ABCC9: variants seen among roughly 807,000 people sequenced by gnomAD.
ABCC9 encodes ATP-binding cassette sub-family C member 9.
In ABCC9, 95 loss-of-function variants were observed where a neutral mutation model predicts 188.3. The observed-to-expected ratio is 0.50, with a 90% CI of 0.43 to 0.60. The LOEUF is 0.60. Ranked by LOEUF, ABCC9 falls within the 20% of genes least tolerant of loss-of-function variation. The pLI is 0.00. For missense variants in ABCC9, 1,102 were observed against 1,876.3 expected (o/e 0.59, Z 7.62); for synonymous variants, 659 against 652.7 (o/e 1.01, Z -0.15).
At chr12:21,862,883 G>T (rs1294551629) in intron 20 of ABCC9, 70 bp downstream of exon 20, 3 of 1,021,856 alleles carry the variant, frequency 2.9e-6, no homozygotes, top group Non-Finnish European at 4.6e-6. Context: ...AGAAACCATT[G>T]TTCATTCCCA....
chr12:21,816,036 GTTTTTTTTTTTTTTTTTTTTTTTTTTTT>G (rs10611051), intron 33 of ABCC9, 143 bp from the exon 34 acceptor site: 647 of 58,296 alleles, frequency 0.011, 19 homozygotes, highest in African/African-American at 0.032. Flanking sequence ...CTATGTGGCA[GTTTTTTTTTTTTTTTTTTTTTTTTTTTT>G]TTTTTTTTTT....
chr12:21,798,129 A>T lies in ABCC9; in HGVS notation c.*2915T>A, dbSNP rs1941242011. The stretch of plus-strand genomic sequence containing the variant: ...AGTAACTAAAAGTTATGAGGGGACC[A>T]GCAACCACTTGGCTGTAAGAATGGT... On this transcript the variant is annotated 3_prime_UTR_variant, in exon 40 of 40. Coordinates refer to ENST00000261200, the MANE Select transcript of ABCC9 (RefSeq NM_020297.4). The T allele has an allele frequency of 2.0e-5, 3 of 152,242 alleles. No homozygotes were observed. The South Asian group carries it at 6.2e-4, about 31-fold the overall frequency. 9.4% of individuals were successfully genotyped at this position (152,242 alleles called of 1,614,324 possible).
intron 31 of ABCC9, among the ~76,000 whole-genome samples, chr12:21,822,826 CG>C (rs1943136208): frequency 6.6e-6 from 1 of 151,552 alleles, no homozygotes; most frequent in Non-Finnish European, 1.5e-5. Flanking sequence ...GTTAGGTCTC[CG>C]ATGTTCACTT....
intron 13 of ABCC9, among the ~76,000 whole-genome samples, chr12:21,894,695 G>A (rs555295425): frequency 1.3e-4 from 20 of 151,824 alleles, no homozygotes; most frequent in Admixed American, 5.9e-4. Flanking sequence ...CTGCAGCCTC[G>A]ACCTCCCCAG....
chr12:21,912,020 G>C (rs1948348845), intron 8 of ABCC9, among the ~76,000 whole-genome samples: 1 of 152,006 alleles, frequency 6.6e-6, no homozygotes, highest in Admixed American at 6.6e-5. Context: ...ACAGGCTTCA[G>C]TAAGTGCCAA....
At chr12:21,816,042 T>TTTTTTTG (rs1942609666) in intron 33 of ABCC9, 149 bp from the exon 34 acceptor site, 1 of 31,164 alleles carries the variant, frequency 3.2e-5, no homozygotes, top group Non-Finnish European at 6.2e-5. Context: ...GGCAGTTTTT[T>TTTTTTTG]TTTTTTTTTT....
rs1944195401 is a variant in ABCC9 at position 21,838,090 on chromosome 12, A to G, written c.3554T>C (p.Ile1185Thr). 2.5e-6 allele frequency: 4 copies of G among 1,613,544 alleles called. No individual in the cohort carries two copies. Among genetic ancestry groups the G allele is most frequent in the African/African-American group, 1.3e-5 (1 of 74,912 alleles). ...TGTGTTTACTCACCTAAAGGCCCGA[A>G]TGGTGGTGAGTCCTTCTGCTGTTTC... ...FSETAEGLTT[I>T]RAFRHETRFK... Residue 1185 changes from isoleucine to threonine, a missense_variant, in exon 30 of 40, where the codon ATT becomes ACT. Coordinates refer to ENST00000261200, the MANE Select transcript of ABCC9 (RefSeq NM_020297.4).
Position 21,800,962 on chromosome 12 carries a change from T to A in ABCC9, c.*82A>T. The A allele has an allele frequency of 6.5e-7, 1 of 1,548,914 alleles. No individual in the cohort carries two copies. Among genetic ancestry groups the A allele is most frequent in the South Asian group, 1.1e-5 (1 of 87,504 alleles). On this transcript the variant is annotated 3_prime_UTR_variant, in exon 40 of 40. Coordinates refer to ENST00000261200, the MANE Select transcript of ABCC9 (RefSeq NM_020297.4). Reference sequence around the variant, plus strand: ...ATCTGTAAAAGTTTTAAGATGCCACTTTACAGAGGTCAAGCTGATGATCCA... The same window carrying A: ...ATCTGTAAAAGTTTTAAGATGCCACATTACAGAGGTCAAGCTGATGATCCA...
At chr12:21,861,095 A>C in intron 20 of ABCC9, 40 bp from the exon 21 acceptor site, 1 of 1,509,000 alleles carries the variant, frequency 6.6e-7, no homozygotes, top group East Asian at 2.3e-5. Context: ...ATCTCAATTA[A>C]TACATTGTCC....
At chr12:21,861,123 T>C (rs1306449656) in intron 20 of ABCC9, 68 bp from the exon 21 acceptor site, 12 of 1,240,040 alleles carry the variant, frequency 9.7e-6, no homozygotes, top group Non-Finnish European at 1.4e-5. Context: ...AAGTGCCAAA[T>C]TCAATACTTT....
intron 14 of ABCC9, among the ~76,000 whole-genome samples, chr12:21,889,566 C>T (rs922086107): frequency 2.6e-5 from 4 of 152,126 alleles, no homozygotes; most frequent in South Asian, 4.1e-4. Flanking sequence ...ATGCCTGGCA[C>T]ATGTCATTCA....
Position 21,801,159 on chromosome 12 carries a change from G to A in ABCC9, c.4535C>T (p.Thr1512Met), listed in dbSNP as rs554811993. The change falls in exon 40 of 40, where the codon ACG (threonine) becomes ATG (methionine). Residue 1512 changes from threonine (T) to methionine (M), a missense_variant. Thr to Met is a moderately conservative substitution (Grantham distance 81). Around this residue, in one of 12 missense-constraint regions of ABCC9, gnomAD observed 40 missense variants for 105.5 expected, o/e 0.38. Transcript: ENST00000261200. ...CTTCATCACAATAACCAGGTCTGCCGTCAGAATAGTGTGTACTCGATGCTG... is the reference window on the plus strand; with the variant it reads ...CTTCATCACAATAACCAGGTCTGCCATCAGAATAGTGTGTACTCGATGCTG... The part of the protein sequence containing the change: ...TIAHRVHTIL[T>M]ADLVIVMKRG... 25 of 1,613,846 alleles carry A rather than the reference G, an allele frequency of 1.5e-5. No individual in the cohort carries two copies. Among genetic ancestry groups the A allele is most frequent in the Non-Finnish European group, 1.9e-5 (23 of 1,179,892 alleles).
chr12:21,892,688 A>C (rs1454337631), intron 14 of ABCC9, among the ~76,000 whole-genome samples: 1 of 152,218 alleles, frequency 6.6e-6, no homozygotes, highest in African/African-American at 2.4e-5. Context: ...ACTATGTTAC[A>C]CTATCATATT....
intron 31 of ABCC9, among the ~76,000 whole-genome samples, chr12:21,820,833 C>G (rs578254342): frequency 6.6e-6 from 1 of 152,236 alleles, no homozygotes; most frequent in South Asian, 2.1e-4. Context: ...CTTCTCTTTC[C>G]CATTGTCCTG....
intron 28 of ABCC9, among the ~76,000 whole-genome samples, chr12:21,843,192 CT>C (rs1184364897): frequency 6.6e-6 from 1 of 152,086 alleles, no homozygotes; most frequent in African/African-American, 2.4e-5. Context: ...TACTTTATAG[CT>C]TTATGTTTTA....
chr12:21,910,189 G>T lies in ABCC9; in HGVS notation c.1288C>A (p.Leu430Met). The T allele has an allele frequency of 6.2e-7, 1 of 1,611,420 alleles. No individual in the cohort carries two copies. Residue 430 changes from leucine to methionine, a missense_variant, in exon 10 of 40, where the codon CTG becomes ATG. Coordinates refer to ENST00000261200, the MANE Select transcript of ABCC9 (RefSeq NM_020297.4). ...GGCATAGCCCATAGATTGGGACACAGGAACAAAAACCACATGAGTTGATTA... is the reference window on the plus strand; with the variant it reads ...GGCATAGCCCATAGATTGGGACACATGAACAAAAACCACATGAGTTGATTA... ...ETNQLMWFLF[L>M]CPNLWAMPVQ... is the part of the protein sequence containing the mutation.
intron 30 of ABCC9, among the ~76,000 whole-genome samples, chr12:21,833,706 G>C (rs890953332): frequency 1.4e-4 from 22 of 152,066 alleles, no homozygotes; most frequent in Non-Finnish European, 2.2e-4. Context: ...CAGTTTTCCT[G>C]AATCTATTCA....
chr12:21,920,249 C>T (rs1488779573), intron 5 of ABCC9, among the ~76,000 whole-genome samples: 1 of 150,762 alleles, frequency 6.6e-6, no homozygotes, highest in African/African-American at 2.4e-5. Context: ...ATAAGACAAG[C>T]AAAAAGAAAA....
At chr12:21,808,162 G>A (rs1941988414) in intron 37 of ABCC9, among the ~76,000 whole-genome samples, 1 of 151,710 alleles carries the variant, frequency 6.6e-6, no homozygotes, top group Non-Finnish European at 1.5e-5. Context: ...CTAATGTCCT[G>A]GGGAAAATTT....
Sources: gnomAD v4.1 joint callset for allele counts (sites outside exome capture counted in the v4.1 genomes callset) on GRCh38, gnomAD v4.1.1 for gene constraint, gnomAD v4.1.1 regional missense constraint, MANE v1.5 for transcripts, NCBI Gene and HGNC (gene_info 2026-07-23, HGNC 2026-07-21) for gene names.